SRRM4: variants seen among roughly 807,000 people sequenced by gnomAD.
SRRM4 encodes the protein serine/arginine repetitive matrix 4.
Under a neutral mutation model 68.9 loss-of-function variants are expected in SRRM4, and 33 were observed. The ratio of observed to expected loss-of-function variants is 0.48; its 90% CI spans 0.36 to 0.64. SRRM4 has a LOEUF of 0.64. SRRM4 is among the 30% of genes least tolerant of loss of function. The probability of loss-of-function intolerance (pLI) is 0.00; values close to 1 mark genes in which losing one functional copy is unlikely to be tolerated. For synonymous variants in SRRM4, 318 were observed against 318.8 expected, an observed-to-expected ratio of 1.00 and a Z score of 0.03; for missense variants, 817 against 827.1, an observed-to-expected ratio of 0.99 and a Z score of 0.15.
chr12:119,052,514 G>T (rs1953750063), intron 1 of SRRM4, among the ~76,000 whole-genome samples: 1 of 151,160 alleles, frequency 6.6e-6, no homozygotes, highest in South Asian at 2.1e-4. Context: ...TGTTGTTGTT[G>T]TTGTTGTTTT....
At position 118,981,689 on chromosome 12, in the gene SRRM4, G is replaced by A; in HGVS notation, c.-194G>A. The A allele has an allele frequency of 1.6e-6, 1 of 610,722 alleles. No individual in the cohort carries two copies. The allele number at this position is 610,722 out of a possible 1,614,324, so 37.8% of individuals were successfully genotyped here. ...CCAGAAGGGCGAAGAAAGCCCAGCG[G>A]ACGAGCCTCCTTTCTCTGCTGCCTG... On this transcript the variant is annotated 5_prime_UTR_variant, in exon 1 of 13. Transcript: ENST00000267260.
intron 1 of SRRM4, among the ~76,000 whole-genome samples, chr12:119,006,131 T>G (rs1217201571): frequency 6.6e-6 from 1 of 152,204 alleles, no homozygotes; most frequent in Non-Finnish European, 1.5e-5. Context: ...GCCCATCTGT[T>G]CTGGGAGCTT....
chr12:119,111,259 C>T (rs1425582914), intron 2 of SRRM4, among the ~76,000 whole-genome samples: 1 of 152,188 alleles, frequency 6.6e-6, no homozygotes, highest in Admixed American at 6.5e-5. Flanking sequence ...TCTGCCCTTT[C>T]CTGACCCTCT....
At chr12:119,099,720 C>T (rs1342129105) in intron 1 of SRRM4, among the ~76,000 whole-genome samples, 14 of 152,184 alleles carry the variant, frequency 9.2e-5, no homozygotes, top group Admixed American at 9.2e-4. Flanking sequence ...CTGAAGAATC[C>T]TCTTCCAAGG....
chr12:119,010,944 T>C (rs1217886137), intron 1 of SRRM4, among the ~76,000 whole-genome samples: 1 of 152,220 alleles, frequency 6.6e-6, no homozygotes, highest in Non-Finnish European at 1.5e-5. Context: ...CAAGTTGTAA[T>C]GTTATTTTAT....
chr12:118,982,669 GTTTTTTTTTGTTT>G (rs1953255818), intron 1 of SRRM4, among the ~76,000 whole-genome samples: 1 of 115,716 alleles, frequency 8.6e-6, no homozygotes, highest in Admixed American at 9.2e-5. Flanking sequence ...GTTTTATTTT[GTTTTTTTTTGTTT>G]TTTTTTTTTT....
chr12:119,056,711 G>A (rs1953778712), intron 1 of SRRM4, among the ~76,000 whole-genome samples: 1 of 152,014 alleles, frequency 6.6e-6, no homozygotes. Flanking sequence ...TTGCATGCAT[G>A]GCTATTTTTT....
chr12:119,088,954 C>T (rs1243121483), intron 1 of SRRM4, among the ~76,000 whole-genome samples: 1 of 152,206 alleles, frequency 6.6e-6, no homozygotes, highest in African/African-American at 2.4e-5. Flanking sequence ...GAGCTGGACA[C>T]TATCGTTATC....
At position 119,162,255 on chromosome 12, in the gene SRRM4, CGTT is replaced by C. The variant is rs1363378553; in HGVS notation, c.*5459_*5461del. The C allele has an allele frequency of 6.6e-6, 1 of 152,192 alleles. No individual in the cohort carries two copies. The highest frequency in any genetic ancestry group is 1.5e-5 in the Non-Finnish European group (1 of 68,044). The allele number at this position is 152,192 out of a possible 1,614,324, so 9.4% of individuals were successfully genotyped here. On this transcript the variant is annotated 3_prime_UTR_variant, in exon 13 of 13. Transcript: ENST00000267260. ...TTCATTTGCAGAATGAGGTCATAGTCGTTGAGTCCCACAGTCATATATGGGAGA... is the reference window on the plus strand; with the variant it reads ...TTCATTTGCAGAATGAGGTCATAGTCGAGTCCCACAGTCATATATGGGAGA...
intron 1 of SRRM4, among the ~76,000 whole-genome samples, chr12:118,995,461 T>A (rs1041105390): frequency 6.6e-6 from 1 of 152,204 alleles, no homozygotes; most frequent in East Asian, 1.9e-4. Context: ...AATATGTGGC[T>A]CCATTCTGCT....
At chr12:119,015,252 A>C (rs1016738007) in intron 1 of SRRM4, among the ~76,000 whole-genome samples, 6 of 152,214 alleles carry the variant, frequency 3.9e-5, no homozygotes, top group African/African-American at 1.4e-4. Context: ...AAATAAAGCC[A>C]GAATCCCTTT....
chr12:119,125,542 T>A, intron 7 of SRRM4, 63 bp downstream of exon 7: 1 of 1,437,630 alleles, frequency 7.0e-7, no homozygotes, highest in Non-Finnish European at 9.7e-7. Context: ...AAGACACTGT[T>A]AACACTAGCT....
At chr12:119,050,981 T>G (rs1160968183) in intron 1 of SRRM4, among the ~76,000 whole-genome samples, 1 of 152,166 alleles carries the variant, frequency 6.6e-6, no homozygotes, top group Non-Finnish European at 1.5e-5. Flanking sequence ...GTAGACCATC[T>G]CTGTCATCAT....
At chr12:119,053,922 A>G (rs985472456) in intron 1 of SRRM4, among the ~76,000 whole-genome samples, 2 of 152,198 alleles carry the variant, frequency 1.3e-5, no homozygotes, top group African/African-American at 4.8e-5. Flanking sequence ...AAAATGTACC[A>G]TTAGGTTAAT....
intron 1 of SRRM4, among the ~76,000 whole-genome samples, chr12:119,085,374 G>C (rs1425462583): frequency 1.3e-5 from 2 of 152,236 alleles, no homozygotes; most frequent in Non-Finnish European, 2.9e-5. Context: ...AATTGCTCAA[G>C]GTCACAGAGT....
intron 1 of SRRM4, among the ~76,000 whole-genome samples, chr12:119,088,560 C>G (rs7965345): frequency 1.3e-5 from 2 of 151,786 alleles, no homozygotes; most frequent in Admixed American, 6.6e-5. Context: ...ATGAGAAAAC[C>G]GAGGCTTAAA....
intron 1 of SRRM4, among the ~76,000 whole-genome samples, chr12:118,985,902 A>G (rs1430267984): frequency 6.6e-6 from 1 of 152,246 alleles, no homozygotes; most frequent in African/African-American, 2.4e-5. Flanking sequence ...TTATGGATGC[A>G]TGAGTGTTAG....
intron 1 of SRRM4, among the ~76,000 whole-genome samples, chr12:119,082,023 C>T (rs372602772): frequency 1.3e-4 from 20 of 152,208 alleles, no homozygotes; most frequent in Non-Finnish European, 2.2e-4. Flanking sequence ...TTGATCATGA[C>T]GGATCAGCAC....
At chr12:119,085,945 G>A (rs543411860) in intron 1 of SRRM4, among the ~76,000 whole-genome samples, 12 of 152,274 alleles carry the variant, frequency 7.9e-5, no homozygotes, top group African/African-American at 2.2e-4. Context: ...CAGGTAACAC[G>A]TTGACGTTTG....
Sources: allele counts gnomAD v4.1 joint callset (sites outside exome capture counted in the v4.1 genomes callset), GRCh38; gene constraint gnomAD v4.1.1; transcripts MANE v1.5; gene names NCBI Gene and HGNC (gene_info 2026-07-23, HGNC 2026-07-21).